ARHGAP26: variants seen among roughly 807,000 people sequenced by gnomAD.
The protein encoded by ARHGAP26 is rho GTPase-activating protein 26.
Under a neutral mutation model 104.8 loss-of-function variants are expected in ARHGAP26, and 38 were observed. The ratio of observed to expected loss-of-function variants is 0.36; its 90% CI spans 0.28 to 0.48. ARHGAP26 has a LOEUF of 0.48. ARHGAP26 is among the 20% of genes least tolerant of loss of function. The pLI is 0.99. For synonymous variants in ARHGAP26, 341 were observed against 340.0 expected, an observed-to-expected ratio of 1.00 and a Z score of -0.03; for missense variants, 704 against 947.9, an observed-to-expected ratio of 0.74 and a Z score of 3.38.
chr5:143,002,770 G>T (rs999106733), intron 11 of ARHGAP26, among the ~76,000 whole-genome samples: 1 of 152,094 alleles, frequency 6.6e-6, no homozygotes, highest in African/African-American at 2.4e-5. Context: ...GTTTATGTTG[G>T]CTGTGACTCC....
chr5:142,931,757 T>C (rs1478173079), intron 10 of ARHGAP26, among the ~76,000 whole-genome samples: 1 of 152,242 alleles, frequency 6.6e-6, no homozygotes, highest in Non-Finnish European at 1.5e-5. Context: ...TTTCAAGGAA[T>C]TGAACAACGT....
chr5:143,093,790 C>A (rs1402670149), intron 17 of ARHGAP26, among the ~76,000 whole-genome samples: 8 of 151,998 alleles, frequency 5.3e-5, no homozygotes, highest in Non-Finnish European at 1.2e-4. Context: ...GCTACTCTTT[C>A]TTCCTCTGAG....
At chr5:142,966,842 C>T (rs973222872) in intron 11 of ARHGAP26, among the ~76,000 whole-genome samples, 3 of 152,072 alleles carry the variant, frequency 2.0e-5, no homozygotes, top group African/African-American at 7.2e-5. Flanking sequence ...GTGTTTTAGC[C>T]AACAGGGCAA....
intron 1 of ARHGAP26, among the ~76,000 whole-genome samples, chr5:142,808,236 GAAAAAAAAA>G (rs58550799): frequency 0.02 from 664 of 32,468 alleles, 15 homozygotes; most frequent in Non-Finnish European, 0.032. Context: ...CATTGTCTCG[GAAAAAAAAA>G]AAAAAAAAAA....
chr5:143,198,606 A>T (rs1336050227), intron 20 of ARHGAP26, among the ~76,000 whole-genome samples: 4 of 152,162 alleles, frequency 2.6e-5, no homozygotes, highest in Non-Finnish European at 5.9e-5. Flanking sequence ...TTTGTTTCCA[A>T]TCTGGAATTT....
intron 1 of ARHGAP26, among the ~76,000 whole-genome samples, chr5:142,830,583 T>C (rs556509178): frequency 3.9e-5 from 6 of 152,174 alleles, no homozygotes; most frequent in Non-Finnish European, 8.8e-5. Context: ...TTAATATAGC[T>C]GTGCAGGTGG....
intron 5 of ARHGAP26, among the ~76,000 whole-genome samples, chr5:142,891,606 A>G (rs1758676046): frequency 8.9e-6 from 1 of 112,362 alleles, no homozygotes; most frequent in Non-Finnish European, 1.6e-5. Context: ...CTAAGCTCTT[A>G]AGATGTCAAG....
At chr5:143,009,767 C>A (rs558965239) in intron 11 of ARHGAP26, among the ~76,000 whole-genome samples, 1 of 152,314 alleles carries the variant, frequency 6.6e-6, no homozygotes, top group Admixed American at 6.5e-5. Flanking sequence ...ACTATACCTA[C>A]ATCAAAGTAT....
chr5:143,091,241 A>C (rs1791397335), intron 17 of ARHGAP26, among the ~76,000 whole-genome samples: 1 of 152,190 alleles, frequency 6.6e-6, no homozygotes, highest in Non-Finnish European at 1.5e-5. Context: ...GGTTAGCAGC[A>C]CAAGGTAGGG....
chr5:142,966,870 G>A (rs1771447012), intron 11 of ARHGAP26, among the ~76,000 whole-genome samples: 1 of 152,174 alleles, frequency 6.6e-6, no homozygotes, highest in African/African-American at 2.4e-5. Flanking sequence ...ACTATGGTAT[G>A]ACAACCCTCT....
At chr5:143,000,927 T>C (rs1777107798) in intron 11 of ARHGAP26, among the ~76,000 whole-genome samples, 1 of 152,078 alleles carries the variant, frequency 6.6e-6, no homozygotes, top group South Asian at 2.1e-4. Flanking sequence ...ACCTAATGCA[T>C]GCAGGGCTTA....
chr5:143,168,419 TCAAATAGACCTCAC>T, intron 20 of ARHGAP26: 1 of 139,880 alleles, frequency 7.1e-6, no homozygotes, highest in South Asian at 2.4e-4. Context: ...TGCTTCATAG[TCAAATAGACCTCAC>T]CATCTGGAAC....
intron 11 of ARHGAP26, among the ~76,000 whole-genome samples, chr5:142,948,002 G>A (rs1767423365): frequency 6.6e-6 from 1 of 152,136 alleles, no homozygotes; most frequent in East Asian, 1.9e-4. Context: ...CTGCACTCCA[G>A]CCTGGGCAAC....
chr5:143,176,429 T>G (rs1803484968), intron 20 of ARHGAP26, among the ~76,000 whole-genome samples: 1 of 152,298 alleles, frequency 6.6e-6, no homozygotes, highest in East Asian at 1.9e-4. Context: ...GGCGAACCCT[T>G]TGGGCAGAAT....
At chr5:143,012,576 T>TATATATATATACATATATA (rs1554195628) in intron 11 of ARHGAP26, among the ~76,000 whole-genome samples, 1 of 57,032 alleles carries the variant, frequency 1.8e-5, no homozygotes, top group Non-Finnish European at 5.2e-5. Flanking sequence ...TATATATATA[T>TATATATATATACATATATA]TATGATCAGG....
intron 1 of ARHGAP26, among the ~76,000 whole-genome samples, chr5:142,849,151 T>A (rs1460547679): frequency 6.6e-6 from 1 of 152,064 alleles, no homozygotes; most frequent in Non-Finnish European, 1.5e-5. Flanking sequence ...GGGATGGGAG[T>A]CAAGGTCAGC....
chr5:142,866,762 A>G (rs1421315965), intron 1 of ARHGAP26: 1 of 152,212 alleles, frequency 6.6e-6, no homozygotes, highest in African/African-American at 2.4e-5. Flanking sequence ...AAATGGCCTC[A>G]GGAAAAGCAC....
At chr5:142,937,789 CA>C (rs200898033) in intron 11 of ARHGAP26, among the ~76,000 whole-genome samples, 6 of 141,720 alleles carry the variant, frequency 4.2e-5, no homozygotes, top group Middle Eastern at 3.6e-3. Context: ...AGGCCAGTCT[CA>C]AAAAAAAATA....
intron 20 of ARHGAP26, among the ~76,000 whole-genome samples, chr5:143,164,594 C>G (rs1042132667): frequency 3.3e-5 from 5 of 152,154 alleles, no homozygotes; most frequent in Non-Finnish European, 7.3e-5. Flanking sequence ...TCTTCCGCCT[C>G]CAGGAGTTTA....
Sources: allele counts gnomAD v4.1 joint callset (sites outside exome capture counted in the v4.1 genomes callset), GRCh38; gene constraint gnomAD v4.1.1; transcripts MANE v1.5; gene names NCBI Gene and HGNC (gene_info 2026-07-23, HGNC 2026-07-21).